HECW2: variants seen among roughly 807,000 people sequenced by gnomAD.
HECW2 encodes the protein E3 ubiquitin-protein ligase HECW2.
In HECW2, 61 loss-of-function variants were observed where a neutral mutation model predicts 175.2. The observed-to-expected ratio is 0.35, with a 90% CI of 0.28 to 0.43. The LOEUF is 0.43. Among genes scored for constraint, HECW2 ranks in the 20% least tolerant of loss-of-function variants. The probability of loss-of-function intolerance (pLI) is 1.00; values close to 1 mark genes in which losing one functional copy is unlikely to be tolerated. For missense variants in HECW2, 1,524 were observed against 2,000.5 expected (o/e 0.76, Z 4.54); for synonymous variants, 671 against 731.0 (o/e 0.92, Z 1.32).
At chr2:196,285,560 T>C (rs1183040056) in intron 14 of HECW2, among the ~76,000 whole-genome samples, 1 of 152,240 alleles carries the variant, frequency 6.6e-6, no homozygotes, top group Non-Finnish European at 1.5e-5. Flanking sequence ...TTTCATTTTT[T>C]AAAGATTGTA....
chr2:196,248,234 A>C (rs1688719346), intron 19 of HECW2, among the ~76,000 whole-genome samples: 1 of 152,236 alleles, frequency 6.6e-6, no homozygotes. Flanking sequence ...ACCTTGACAG[A>C]GATCTTGGCA....
intron 2 of HECW2, among the ~76,000 whole-genome samples, chr2:196,423,973 G>GT (rs112962231): frequency 0.032 from 4,887 of 151,640 alleles, 250 homozygotes; most frequent in African/African-American, 0.11. Flanking sequence ...CAGATAATGT[G>GT]TTTTTTTTAC....
At chr2:196,235,648 C>CTTTTT (rs757874073) in intron 21 of HECW2, among the ~76,000 whole-genome samples, 98 of 78,890 alleles carry the variant, frequency 1.2e-3, no homozygotes, top group Admixed American at 2.1e-3. Context: ...ATGCATTATT[C>CTTTTT]TTTTTTTTTT....
chr2:196,571,768 A>C (rs1188002930), intron 1 of HECW2, among the ~76,000 whole-genome samples: 1 of 152,208 alleles, frequency 6.6e-6, no homozygotes, highest in Non-Finnish European at 1.5e-5. Flanking sequence ...CATACAAAGC[A>C]AAAATAAACC....
chr2:196,415,232 T>C (rs1020468864), intron 2 of HECW2, among the ~76,000 whole-genome samples: 1 of 152,170 alleles, frequency 6.6e-6, no homozygotes, highest in African/African-American at 2.4e-5. Context: ...GCAGGGTACT[T>C]ATATTCCTCG....
intron 1 of HECW2, among the ~76,000 whole-genome samples, chr2:196,507,470 G>A (rs187790255): frequency 1.6e-4 from 25 of 152,272 alleles, no homozygotes; most frequent in East Asian, 9.6e-4. Context: ...GACTGGGGTC[G>A]CTGCTACTAG....
At chr2:196,519,449 A>G (rs1688265815) in intron 1 of HECW2, among the ~76,000 whole-genome samples, 1 of 152,238 alleles carries the variant, frequency 6.6e-6, no homozygotes, top group South Asian at 2.1e-4. Flanking sequence ...TAACCCGTCT[A>G]TGTTCTGAAG....
chr2:196,333,702 T>C (rs1346514826), intron 4 of HECW2, among the ~76,000 whole-genome samples: 1 of 152,252 alleles, frequency 6.6e-6, no homozygotes, highest in Non-Finnish European at 1.5e-5. Context: ...CTGTGTATTG[T>C]GAGACTGTTA....
At chr2:196,423,519 C>G (rs1476854043) in intron 2 of HECW2, among the ~76,000 whole-genome samples, 2 of 152,042 alleles carry the variant, frequency 1.3e-5, no homozygotes, top group Admixed American at 6.6e-5. Context: ...AAGAAATATA[C>G]CTAACAACGC....
At chr2:196,507,940 T>A (rs1044115023) in intron 1 of HECW2, among the ~76,000 whole-genome samples, 1 of 152,228 alleles carries the variant, frequency 6.6e-6, no homozygotes, top group Non-Finnish European at 1.5e-5. Context: ...CCTGTGACAT[T>A]AACACTCCTC....
intron 1 of HECW2, among the ~76,000 whole-genome samples, chr2:196,457,104 G>A (rs1026163019): frequency 2.6e-5 from 4 of 152,172 alleles, no homozygotes; most frequent in East Asian, 3.8e-4. Context: ...GAGTAGGTAC[G>A]GCATGGAATC....
At chr2:196,339,592 G>A (rs938501399) in intron 3 of HECW2, among the ~76,000 whole-genome samples, 16 of 152,202 alleles carry the variant, frequency 1.1e-4, no homozygotes, top group African/African-American at 3.9e-4. Flanking sequence ...CAGGATAGAT[G>A]AGGAGATAGA....
intron 3 of HECW2, among the ~76,000 whole-genome samples, chr2:196,340,933 A>T (rs193055514): frequency 8.5e-5 from 3 of 35,224 alleles, no homozygotes; most frequent in Non-Finnish European, 2.8e-4. Context: ...GGAGAAAAGA[A>T]AAAAAAAAAA....
intron 1 of HECW2, among the ~76,000 whole-genome samples, chr2:196,462,896 C>G (rs537232334): frequency 1.3e-5 from 2 of 152,308 alleles, no homozygotes; most frequent in Non-Finnish European, 1.5e-5. Context: ...GAAACAAACT[C>G]TCACTTATTC....
intron 1 of HECW2, among the ~76,000 whole-genome samples, chr2:196,517,619 C>T (rs1688196296): frequency 2.0e-5 from 3 of 152,168 alleles, no homozygotes; most frequent in African/African-American, 7.2e-5. Flanking sequence ...GTTTTGTTTT[C>T]ACTGTAAAGA....
At chr2:196,356,976 C>T (rs1693393861) in intron 2 of HECW2, among the ~76,000 whole-genome samples, 1 of 152,154 alleles carries the variant, frequency 6.6e-6, no homozygotes, top group Non-Finnish European at 1.5e-5. Flanking sequence ...CTCCAGTGAC[C>T]ATGCTCCTCA....
At chr2:196,344,110 G>A (rs1040581832) in intron 2 of HECW2, among the ~76,000 whole-genome samples, 11 of 152,142 alleles carry the variant, frequency 7.2e-5, no homozygotes, top group Admixed American at 4.6e-4. Flanking sequence ...TTTGTAAAAC[G>A]CTTTTATAAA....
At chr2:196,254,807 A>G (rs1688989667) in intron 18 of HECW2, among the ~76,000 whole-genome samples, 1 of 152,224 alleles carries the variant, frequency 6.6e-6, no homozygotes, top group Non-Finnish European at 1.5e-5. Context: ...AATACTGTGA[A>G]ATGGTATCTC....
chr2:196,222,301 C>T lies in HECW2; in HGVS notation c.4056G>A (p.Glu1352=). 2 of 1,612,978 alleles carry T rather than the reference C, an allele frequency of 1.2e-6. No homozygotes were observed. The highest frequency in any genetic ancestry group is 1.7e-5 in the Admixed American group (1 of 59,988). ...TCATCCACTGCAGGCTCTGATGGAA[C>T]TCTTCATCAAGGTATTCTAGGTCAC... The part of the protein sequence containing the change: ...DLSDLEYLDE[E]FHQSLQWMKD... The change falls in exon 24 of 29, where the codon GAG becomes GAA. Residue 1352 remains glutamate (E), a synonymous_variant. Transcript: ENST00000644978.
Sources: allele counts gnomAD v4.1 joint callset (sites outside exome capture counted in the v4.1 genomes callset), GRCh38; gene constraint gnomAD v4.1.1; transcripts MANE v1.5; gene names NCBI Gene and HGNC (gene_info 2026-07-23, HGNC 2026-07-21).